FAXC: variants seen among roughly 807,000 people sequenced by gnomAD.
FAXC encodes the protein failed axon connections homolog, metaxin like GST domain containing.
FAXC carries 10 observed loss-of-function variants against 41.9 expected under a neutral mutation model. The ratio of observed to expected loss-of-function variants is 0.24; its 90% CI spans 0.15 to 0.41. The LOEUF (loss-of-function observed/expected upper bound fraction) is 0.41. FAXC is among the 10% of genes least tolerant of loss of function. The probability of loss-of-function intolerance (pLI) is 1.00; values close to 1 mark genes in which losing one functional copy is unlikely to be tolerated. For synonymous variants in FAXC, 183 were observed against 183.8 expected (o/e 1.00, Z 0.03); for missense variants, 399 against 510.9 (o/e 0.78, Z 2.11).
chr6:99,342,999 T>G lies in FAXC; in HGVS notation c.301A>C (p.Ile101Leu). 6.2e-7 allele frequency: 1 copy of G among 1,611,416 alleles called. No individual in the cohort carries two copies. ...TTAGGTCTTGCAAACTGATGCAAAATAATAGCATCTTTAGAGTCAATCTCT... is the reference window on the plus strand; with the variant it reads ...TTAGGTCTTGCAAACTGATGCAAAAGAATAGCATCTTTAGAGTCAATCTCT... ...QQEIDSKDAI[I>L]LHQFARPNNG... is the part of the protein sequence containing the mutation. The change falls in exon 2 of 6, where the codon ATT becomes CTT. Residue 101 changes from isoleucine to leucine, a missense_variant. Coordinates refer to ENST00000389677, the MANE Select transcript of FAXC (RefSeq NM_032511.4).
intron 1 of FAXC, among the ~76,000 whole-genome samples, chr6:99,348,418 C>T (rs545624982): frequency 2.0e-5 from 3 of 152,308 alleles, no homozygotes; most frequent in South Asian, 2.1e-4. Context: ...ATCTTGTAAA[C>T]ATTCTGCGGC....
rs1042538482 is a variant in FAXC at position 99,349,320 on chromosome 6, C to T, written c.53G>A (p.Ser18Asn). The change falls in exon 1 of 6, where the codon AGC becomes AAC. Residue 18 changes from serine to asparagine, a missense_variant. Around this residue, in one of 3 missense-constraint regions of FAXC, gnomAD observed 68 missense variants for 63.4 expected, o/e 1.07. Transcript: ENST00000389677. ...ASSRPCVVDLSWNQSISFFGW... is the reference protein window; with the variant it reads ...ASSRPCVVDLNWNQSISFFGW... ...GAAGAAGGAGATGCTCTGGTTCCAGCTCAGATCCACCACGCACGGCCTGGA... is the reference window on the plus strand; with the variant it reads ...GAAGAAGGAGATGCTCTGGTTCCAGTTCAGATCCACCACGCACGGCCTGGA... The T allele has an allele frequency of 1.2e-6, 2 of 1,613,066 alleles. No homozygotes were observed. The highest frequency in any genetic ancestry group is 1.7e-6 in the Non-Finnish European group (2 of 1,179,950).
chr6:99,344,846 G>C (rs1210723464), intron 1 of FAXC, among the ~76,000 whole-genome samples: 1 of 152,116 alleles, frequency 6.6e-6, no homozygotes, highest in African/African-American at 2.4e-5. Context: ...AAAAATCCCT[G>C]CTCCATCAGC....
In FAXC at chr6:99,333,387, C is replaced by G; in HGVS notation, c.563G>C (p.Arg188Thr). The G allele has an allele frequency of 1.2e-6, 2 of 1,613,922 alleles. No homozygotes were observed. Among genetic ancestry groups the G allele is most frequent in the Non-Finnish European group, 1.7e-6 (2 of 1,179,946 alleles). Residue 188 changes from arginine to threonine, a missense_variant, in exon 3 of 6, where the codon AGA becomes ACA. Physicochemically the swap from Arg to Thr is moderately conservative, Grantham distance 71 (BLOSUM62 -1). Around this residue, in one of 3 missense-constraint regions of FAXC, gnomAD observed 239 missense variants for 352.7 expected, o/e 0.68. Coordinates refer to ENST00000389677, the MANE Select transcript of FAXC (RefSeq NM_032511.4). ...CTCCTCCACCATCTTGGTCACCGCT[C>G]TGGAGATGGCTCTTTCATGAGGGCC... ...NLGPHERAIS[R>T]AVTKMVEEHF...
At chr6:99,316,804 T>C (rs781457976) in intron 4 of FAXC, among the ~76,000 whole-genome samples, 1 of 152,222 alleles carries the variant, frequency 6.6e-6, no homozygotes, top group Non-Finnish European at 1.5e-5. Context: ...AATAGCTATA[T>C]ACTTGGAAAA....
intron 1 of FAXC, among the ~76,000 whole-genome samples, chr6:99,345,470 C>T (rs1200422804): frequency 6.6e-6 from 1 of 152,146 alleles, no homozygotes; most frequent in Admixed American, 6.5e-5. Context: ...GCACCAGAGC[C>T]CTCCCTCCAA....
intron 4 of FAXC, among the ~76,000 whole-genome samples, chr6:99,301,649 T>A (rs1237402538): frequency 6.6e-6 from 1 of 152,192 alleles, no homozygotes; most frequent in Non-Finnish European, 1.5e-5. Context: ...ACAGCCAAGA[T>A]GAGAATCCTC....
At chr6:99,334,616 C>T (rs996289141) in intron 2 of FAXC, 130 of 981,660 alleles carry the variant, frequency 1.3e-4, no homozygotes, top group Non-Finnish European at 1.5e-4. Context: ...CATACCATAG[C>T]CCCTATTTCA....
chr6:99,310,369 A>G (rs1199037258), intron 4 of FAXC, among the ~76,000 whole-genome samples: 1 of 152,174 alleles, frequency 6.6e-6, no homozygotes, highest in Non-Finnish European at 1.5e-5. Flanking sequence ...TGGGTTACAG[A>G]CACATTTGAA....
intron 5 of FAXC, among the ~76,000 whole-genome samples, chr6:99,285,727 T>C (rs947676476): frequency 2.0e-5 from 3 of 152,190 alleles, no homozygotes; most frequent in African/African-American, 7.2e-5. Context: ...TGAGAGGATA[T>C]TTATCAGAAA....
At chr6:99,307,272 T>C (rs758878265) in intron 4 of FAXC, among the ~76,000 whole-genome samples, 1 of 151,918 alleles carries the variant, frequency 6.6e-6, no homozygotes, top group South Asian at 2.1e-4. Context: ...CACTTTTGTG[T>C]GAAGGGAAAG....
intron 4 of FAXC, among the ~76,000 whole-genome samples, chr6:99,303,608 G>C (rs1483337321): frequency 6.6e-6 from 1 of 152,232 alleles, no homozygotes; most frequent in Non-Finnish European, 1.5e-5. Context: ...GTTCTCTTAA[G>C]AGAATGCCCA....
chr6:99,345,270 A>T (rs1773553117), intron 1 of FAXC, among the ~76,000 whole-genome samples: 1 of 152,222 alleles, frequency 6.6e-6, no homozygotes, highest in East Asian at 1.9e-4. Flanking sequence ...AGTTTTATTG[A>T]ATTTTCACCT....
chr6:99,335,161 C>A (rs1343295083), intron 2 of FAXC, among the ~76,000 whole-genome samples: 1 of 152,112 alleles, frequency 6.6e-6, no homozygotes, highest in African/African-American at 2.4e-5. Context: ...ACACATCTGG[C>A]CTTACCTCTA....
chr6:99,313,665 C>T (rs1244685626), intron 4 of FAXC, among the ~76,000 whole-genome samples: 2 of 152,154 alleles, frequency 1.3e-5, no homozygotes, highest in Non-Finnish European at 2.9e-5. Flanking sequence ...TATTCTGGCA[C>T]CTTTATGGTT....
intron 5 of FAXC, among the ~76,000 whole-genome samples, chr6:99,291,356 G>A (rs1231099934): frequency 3.9e-5 from 6 of 152,206 alleles, no homozygotes; most frequent in Non-Finnish European, 8.8e-5. Flanking sequence ...AGGAAGACCA[G>A]CAAAGCAAGG....
At chr6:99,345,127 G>A (rs1051225501) in intron 1 of FAXC, among the ~76,000 whole-genome samples, 19 of 152,156 alleles carry the variant, frequency 1.2e-4, no homozygotes, top group Middle Eastern at 6.8e-3. Context: ...GAAATAACTC[G>A]TTTCCATGCT....
At chr6:99,308,610 C>CAA (rs200816136) in intron 4 of FAXC, among the ~76,000 whole-genome samples, 35 of 92,498 alleles carry the variant, frequency 3.8e-4, no homozygotes, top group Non-Finnish European at 5.9e-4. Flanking sequence ...ATCTATAATT[C>CAA]AAAAAAAAAA....
chr6:99,282,186 C>T (rs1396015861), intron 5 of FAXC, among the ~76,000 whole-genome samples: 1 of 152,108 alleles, frequency 6.6e-6, no homozygotes, highest in Non-Finnish European at 1.5e-5. Context: ...ATCAAGAGAG[C>T]TAATGCTGTG....
Sources: gnomAD v4.1 joint callset for allele counts (sites outside exome capture counted in the v4.1 genomes callset) on GRCh38, gnomAD v4.1.1 for gene constraint, gnomAD v4.1.1 regional missense constraint, MANE v1.5 for transcripts, NCBI Gene and HGNC (gene_info 2026-07-23, HGNC 2026-07-21) for gene names.